ANOS1: variants seen among roughly 807,000 people sequenced by gnomAD.
The protein encoded by ANOS1 is anosmin-1.
In ANOS1, 6 loss-of-function variants were observed where a neutral mutation model predicts 59.0. The ratio of observed to expected loss-of-function variants is 0.10; its 90% CI spans 0.06 to 0.20. The LOEUF is 0.20. ANOS1 is among the 10% of genes least tolerant of loss of function. The pLI is 1.00. For missense variants in ANOS1, 433 were observed against 542.3 expected (o/e 0.80, Z 2.00); for synonymous variants, 217 against 223.4 (o/e 0.97, Z 0.25).
At chrX:8,701,212 C>T (rs1433741301) in intron 1 of ANOS1, among the ~76,000 whole-genome samples, 1 of 110,378 alleles carries the variant, frequency 9.1e-6, no homozygotes, top group African/African-American at 3.3e-5. Flanking sequence ...ACCTCTAGTT[C>T]TCTGAAGTTC....
chrX:8,587,180 GA>G (rs1930533037), intron 5 of ANOS1, among the ~76,000 whole-genome samples: 1 of 110,825 alleles, frequency 9.0e-6, no homozygotes, highest in African/African-American at 3.3e-5. Flanking sequence ...CTCTTAAAAA[GA>G]AAGAAAATAT....
At chrX:8,554,298 G>A (rs1047658412) in intron 8 of ANOS1, among the ~76,000 whole-genome samples, 200 bp from the exon 9 acceptor site, 4 of 111,474 alleles carry the variant, frequency 3.6e-5, no homozygotes, top group African/African-American at 1.3e-4. Flanking sequence ...CATGGAGGGC[G>A]AGCAGAAGCA....
At chrX:8,612,551 G>T (rs1239477330) in intron 3 of ANOS1, among the ~76,000 whole-genome samples, 1 of 60,832 alleles carries the variant, frequency 1.6e-5, no homozygotes, top group African/African-American at 5.5e-5. Context: ...AAAACAAGAA[G>T]TTTTTTTTTT....
rs1434540563 is a variant in ANOS1, at chrX:8,531,588, T to C, written c.*1407A>G. 2 of 111,752 alleles carry C rather than the reference T, an allele frequency of 1.8e-5. No homozygotes were observed. The highest frequency in any genetic ancestry group is 3.8e-5 in the Non-Finnish European group (2 of 53,134). 9.2% of individuals were successfully genotyped at this position (111,752 alleles called of 1,213,427 possible). ...GGAAAATATATTATCCTTATGACCT[T>C]TAAAAGAGCTGTATCTTTACTCACC... On this transcript the variant is annotated 3_prime_UTR_variant, in exon 14 of 14. Coordinates refer to ENST00000262648, the MANE Select transcript of ANOS1 (RefSeq NM_000216.4).
intron 1 of ANOS1, among the ~76,000 whole-genome samples, chrX:8,700,282 G>A (rs185102464): frequency 1.3e-3 from 146 of 111,569 alleles, no homozygotes; most frequent in African/African-American, 4.5e-3. Context: ...TATGGCTGGG[G>A]AGGCTCAGGA....
chrX:8,677,688 C>T (rs1286546705), intron 2 of ANOS1, among the ~76,000 whole-genome samples: 1 of 111,745 alleles, frequency 8.9e-6, no homozygotes, highest in Non-Finnish European at 1.9e-5. Flanking sequence ...GTTTAGATTA[C>T]ATACATATAT....
chrX:8,646,019 C>G (rs1278325281), intron 2 of ANOS1, among the ~76,000 whole-genome samples: 1 of 110,234 alleles, frequency 9.1e-6, no homozygotes, highest in East Asian at 2.8e-4. Flanking sequence ...AACTCCTGAC[C>G]TCAGGTGATC....
At chrX:8,558,782 T>C (rs186113309) in intron 8 of ANOS1, among the ~76,000 whole-genome samples, 21 of 111,823 alleles carry the variant, frequency 1.9e-4, no homozygotes, top group Admixed American at 8.6e-4. Flanking sequence ...ACCTACTCAG[T>C]TGACAATGCC....
intron 8 of ANOS1, among the ~76,000 whole-genome samples, chrX:8,557,444 A>G (rs745535262): frequency 3.6e-5 from 4 of 112,043 alleles, no homozygotes; most frequent in Non-Finnish European, 7.5e-5. Context: ...GGCTAATAAT[A>G]TCCAGAATCT....
chrX:8,669,414 C>T (rs1035752947), intron 2 of ANOS1, among the ~76,000 whole-genome samples: 1 of 111,267 alleles, frequency 9.0e-6, no homozygotes, highest in African/African-American at 3.3e-5. Context: ...AGTAATCCAT[C>T]AGTTGTAACA....
Position 8,566,518 on chromosome X carries a change from G to A in ANOS1, c.1207+1714C>T, listed in dbSNP as rs753181752. Among the ~76,000 whole-genome samples, 3 of 111,096 alleles carry A rather than the reference G, an allele frequency of 2.7e-5. No homozygotes were observed. The Admixed American group carries it at 2.9e-4, about 11-fold the overall frequency. The stretch of plus-strand genomic sequence containing the variant: ...AGTACGTATATATAGTGTATATAGT[G>A]TATTACAGTATATAGTGTATATATA... On this transcript the variant is annotated intron_variant, in intron 8 of 13. Transcript: ENST00000262648.
intron 3 of ANOS1, among the ~76,000 whole-genome samples, chrX:8,611,194 T>TA (rs1163838733): frequency 9.1e-6 from 1 of 110,083 alleles, no homozygotes; most frequent in Admixed American, 9.8e-5. Context: ...ATAGGATTTT[T>TA]AAAATGTTAG....
At chrX:8,718,589 T>C (rs1019485521) in intron 1 of ANOS1, among the ~76,000 whole-genome samples, 15 of 112,154 alleles carry the variant, frequency 1.3e-4, no homozygotes, top group African/African-American at 4.9e-4. Context: ...AACTTGGCAT[T>C]CATGGCATCA....
chrX:8,640,150 G>A (rs1208758051), intron 2 of ANOS1, among the ~76,000 whole-genome samples: 2 of 111,099 alleles, frequency 1.8e-5, no homozygotes, highest in Non-Finnish European at 3.8e-5. Flanking sequence ...GCAGCCAGAG[G>A]CATGGGGCTT....
chrX:8,650,649 C>T (rs938085490), intron 2 of ANOS1, among the ~76,000 whole-genome samples: 4 of 111,497 alleles, frequency 3.6e-5, no homozygotes, highest in Non-Finnish European at 7.5e-5. Context: ...GCCCGGGAGA[C>T]GGTGGTGGCA....
intron 6 of ANOS1, among the ~76,000 whole-genome samples, chrX:8,577,176 G>A (rs1366248695): frequency 1.8e-5 from 2 of 112,134 alleles, no homozygotes; most frequent in East Asian, 5.6e-4. Context: ...CATGAGCACT[G>A]TTTATCCCTA....
chrX:8,699,321 A>G (rs1194465096), intron 2 of ANOS1, among the ~76,000 whole-genome samples: 2 of 112,137 alleles, frequency 1.8e-5, no homozygotes, highest in African/African-American at 6.5e-5. Context: ...GCAAAATAAC[A>G]TAAGTATAAA....
chrX:8,552,128 C>T (rs747834216), intron 9 of ANOS1, among the ~76,000 whole-genome samples: 10 of 111,890 alleles, frequency 8.9e-5, no homozygotes, highest in African/African-American at 2.3e-4. Flanking sequence ...CAGAAAAATG[C>T]GAATTCAAAT....
rs1227380110 is a variant in ANOS1, at chrX:8,732,077, G to A, written c.-41C>T. 3.4e-6 allele frequency: 3 copies of A among 883,812 alleles called. No individual in the cohort carries two copies. Among genetic ancestry groups the A allele is most frequent in the South Asian group, 6.0e-5 (1 of 16,674 alleles). 72.8% of individuals were successfully genotyped at this position (883,812 alleles called of 1,213,427 possible). A position where few individuals can be genotyped will look rare whatever the true frequency, so the allele number is the denominator to read the frequency against. On this transcript the variant is annotated 5_prime_UTR_variant, in exon 1 of 14. Coordinates refer to ENST00000262648, the MANE Select transcript of ANOS1 (RefSeq NM_000216.4). ...GCGAGGGCGAGGGCGCCGGGCGCGG[G>A]CCGAGGCTCCCTGCTCCGCGCCGGG...
Sources: allele counts gnomAD v4.1 joint callset (sites outside exome capture counted in the v4.1 genomes callset), GRCh38; gene constraint gnomAD v4.1.1; transcripts MANE v1.5; gene names NCBI Gene and HGNC (gene_info 2026-07-23, HGNC 2026-07-21).